GNB4: variants seen among roughly 807,000 people sequenced by gnomAD.
The protein encoded by GNB4 is guanine nucleotide-binding protein subunit beta-4.
Under a neutral mutation model 45.2 loss-of-function variants are expected in GNB4, and 28 were observed. The ratio of observed to expected loss-of-function variants is 0.62; its 90% CI spans 0.46 to 0.85. The LOEUF (loss-of-function observed/expected upper bound fraction) is 0.85. Among genes scored for constraint, GNB4 ranks in the 40% least tolerant of loss-of-function variants. The pLI is 0.00. For missense variants in GNB4, 321 were observed against 425.4 expected, an observed-to-expected ratio of 0.75 and a Z score of 2.16; for synonymous variants, 132 against 143.7, an observed-to-expected ratio of 0.92 and a Z score of 0.58.
chr3:179,434,734 A>G (rs562922344), intron 1 of GNB4, among the ~76,000 whole-genome samples: 1 of 151,700 alleles, frequency 6.6e-6, no homozygotes, highest in South Asian at 2.1e-4. Flanking sequence ...AAAAAAAAAA[A>G]AGAAAGAAGA....
intron 2 of GNB4, among the ~76,000 whole-genome samples, chr3:179,423,052 A>C (rs1028803522): frequency 6.6e-6 from 1 of 152,126 alleles, no homozygotes; most frequent in Non-Finnish European, 1.5e-5. Flanking sequence ...CAGCCTCCCA[A>C]AGTGCTGGGA....
At chr3:179,469,043 A>G in the GNB4 span, among the ~76,000 whole-genome samples, 2 of 152,186 alleles carry the variant, frequency 1.3e-5, no homozygotes, top group African/African-American at 4.8e-5. Context: ...CCTTTAACCA[A>G]TTGCCAATCA....
At chr3:179,492,796 C>A in the GNB4 span, among the ~76,000 whole-genome samples, 1 of 152,174 alleles carries the variant, frequency 6.6e-6, no homozygotes, top group Non-Finnish European at 1.5e-5. Context: ...AAGAAAGATC[C>A]CTTCAGTTAG....
chr3:179,484,588 G>C, the GNB4 span, among the ~76,000 whole-genome samples: 1 of 84,040 alleles, frequency 1.2e-5, no homozygotes, highest in Non-Finnish European at 2.2e-5. Context: ...CATCTGTATA[G>C]TGCCATTTTT....
chr3:179,413,824 A>AATCAGTG, intron 6 of GNB4, 43 bp from the exon 7 acceptor site: 2 of 1,397,134 alleles, frequency 1.4e-6, no homozygotes, highest in Non-Finnish European at 1.0e-6. Context: ...TCACTGATTG[A>AATCAGTG]ATAACTCAGT....
chr3:179,432,301 T>A (rs1715330624), intron 1 of GNB4, among the ~76,000 whole-genome samples: 1 of 152,170 alleles, frequency 6.6e-6, no homozygotes. Flanking sequence ...TCCCCTTTCC[T>A]TTTTGCTGCT....
chr3:179,482,857 A>G, the GNB4 span, among the ~76,000 whole-genome samples: 1 of 152,170 alleles, frequency 6.6e-6, no homozygotes, highest in Non-Finnish European at 1.5e-5. Context: ...CAGAATATGA[A>G]GTTAGCCCTG....
chr3:179,473,111 C>T, the GNB4 span, among the ~76,000 whole-genome samples: 2 of 152,036 alleles, frequency 1.3e-5, no homozygotes, highest in Non-Finnish European at 2.9e-5. Flanking sequence ...TGCAGTGAGC[C>T]GAGATCCTGC....
At chr3:179,481,011 C>T in the GNB4 span, among the ~76,000 whole-genome samples, 9 of 152,034 alleles carry the variant, frequency 5.9e-5, no homozygotes, top group African/African-American at 1.9e-4. Flanking sequence ...CCACCACGCC[C>T]GGCTAATTTT....
At chr3:179,502,694 A>G in the GNB4 span, among the ~76,000 whole-genome samples, 3 of 152,066 alleles carry the variant, frequency 2.0e-5, no homozygotes, top group Non-Finnish European at 2.9e-5. Context: ...GGTCTTTGAT[A>G]TTTAAGCCTT....
the GNB4 span, among the ~76,000 whole-genome samples, chr3:179,467,576 A>G: frequency 6.6e-6 from 1 of 152,148 alleles, no homozygotes; most frequent in Non-Finnish European, 1.5e-5. Context: ...AAGCACCTGC[A>G]TTTTTCATCT....
chr3:179,515,165 G>T, the GNB4 span, among the ~76,000 whole-genome samples: 5 of 152,312 alleles, frequency 3.3e-5, no homozygotes, highest in East Asian at 9.6e-4. Flanking sequence ...TAACAATAAA[G>T]TTAACACAGC....
intron 9 of GNB4, among the ~76,000 whole-genome samples, chr3:179,402,901 C>T (rs1056018010): frequency 6.6e-6 from 1 of 152,136 alleles, no homozygotes; most frequent in Non-Finnish European, 1.5e-5. Flanking sequence ...GGCGTAAGGC[C>T]AGAGACTCAC....
chr3:179,413,466 A>C lies in GNB4; in HGVS notation c.645T>G (p.Asp215Glu), dbSNP rs755596977. The C allele has an allele frequency of 1.2e-6, 2 of 1,614,106 alleles. No individual in the cohort carries two copies. The highest frequency in any genetic ancestry group is 1.7e-6 in the Non-Finnish European group (2 of 1,179,976). The change falls in exon 8 of 10, where the codon GAT becomes GAG. Residue 215 changes from aspartate (D) to glutamate (E), a missense_variant. By Grantham distance (45) the Asp-to-Glu change is conservative. Coordinates refer to ENST00000232564, the MANE Select transcript of GNB4 (RefSeq NM_021629.4). ...DASSKLWDIR[D>E]GMCRQSFTGH... ...CCGTGAAAGACTGTCTACACATTCC[A>C]TCTCGAATATCCCATAATTTGGAAG...
intron 8 of GNB4, among the ~76,000 whole-genome samples, chr3:179,406,337 G>C (rs1411951753): frequency 6.6e-6 from 1 of 151,984 alleles, no homozygotes; most frequent in Non-Finnish European, 1.5e-5. Flanking sequence ...GATTATTCTT[G>C]GTCTTAATCT....
intron 1 of GNB4, among the ~76,000 whole-genome samples, chr3:179,447,904 T>G (rs182208411): frequency 6.6e-6 from 1 of 152,172 alleles, no homozygotes; most frequent in Non-Finnish European, 1.5e-5. Context: ...TGAGAAACTG[T>G]AGCCAATGAG....
chr3:179,465,978 A>G, the GNB4 span, among the ~76,000 whole-genome samples: 1 of 143,862 alleles, frequency 7.0e-6, no homozygotes, highest in Non-Finnish European at 1.5e-5. Context: ...TTTAAAGAGC[A>G]TTGGAGAAAC....
At chr3:179,482,290 T>C in the GNB4 span, among the ~76,000 whole-genome samples, 2 of 152,204 alleles carry the variant, frequency 1.3e-5, no homozygotes, top group African/African-American at 2.4e-5. Flanking sequence ...TGCAATGCCA[T>C]AGATCCTTAG....
At chr3:179,461,363 A>T in the GNB4 span, among the ~76,000 whole-genome samples, 1 of 152,228 alleles carries the variant, frequency 6.6e-6, no homozygotes, top group South Asian at 2.1e-4. Context: ...CAGGTGTGGT[A>T]GCGGGCACTT....
Sources: gnomAD v4.1 joint callset for allele counts (sites outside exome capture counted in the v4.1 genomes callset) on GRCh38, gnomAD v4.1.1 for gene constraint, MANE v1.5 for transcripts, NCBI Gene and HGNC (gene_info 2026-07-23, HGNC 2026-07-21) for gene names.